TULP4: variants seen among roughly 807,000 people sequenced by gnomAD.
The protein encoded by TULP4 is TUB like protein 4.
In TULP4, 16 loss-of-function variants were observed where a neutral mutation model predicts 129.0. That is an observed-to-expected ratio of 0.12 (90% CI 0.08 to 0.19). The LOEUF (loss-of-function observed/expected upper bound fraction) is 0.19, where lower values mean the gene tolerates loss of function less well. Ranked by LOEUF, TULP4 falls within the 10% of genes least tolerant of loss-of-function variation. The probability of loss-of-function intolerance (pLI) is 1.00; values close to 1 mark genes in which losing one functional copy is unlikely to be tolerated. For synonymous variants in TULP4, 998 were observed against 854.0 expected (o/e 1.17, Z -2.94); for missense variants, 1,842 against 2,059.1 (o/e 0.89, Z 2.04).
In TULP4 at chr6:158,238,485, G is replaced by C. The variant is rs544400747; in HGVS notation, n.68+6182G>C. The C allele has an allele frequency of 8.1e-4, 298 of 369,538 alleles. 2 individuals are homozygous for C. The highest frequency in any genetic ancestry group is 8.0e-4 in the Non-Finnish European group (171 of 213,550). 22.9% of individuals were successfully genotyped at this position (369,538 alleles called of 1,614,324 possible). A position where few individuals can be genotyped will look rare whatever the true frequency, so the allele number is the denominator to read the frequency against. On this transcript the variant is annotated intron_variant and non_coding_transcript_variant, in intron 1 of 1. Coordinates refer to the TULP4 transcript ENST00000620026. ...GGGTGTTTCTCACAGAGGGGGATTT[G>C]GCAGGGTCATGGGACAATAGTGGAG...
rs143434971 is a variant in TULP4, at chr6:158,480,946, G to C, written c.1252-109G>C. 7.1e-4 allele frequency: 688 copies of C among 973,736 alleles called. 4 individuals carry two copies. The African/African-American group carries it at 0.01, about 15-fold the overall frequency. 60.3% of individuals were successfully genotyped at this position (973,736 alleles called of 1,614,324 possible). ...TCCCCAGGCCCCCAGCCTGTGCTCT[G>C]TCTGGAACAGTAGCGTTTTTAGTTG... On this transcript the variant is annotated intron_variant, in intron 7 of 13. Transcript: ENST00000367097.
chr6:158,280,601 G>C (rs577412090), upstream of TULP4, among the ~76,000 whole-genome samples: 2 of 152,384 alleles, frequency 1.3e-5, no homozygotes, highest in South Asian at 4.1e-4. Flanking sequence ...CTGTGCAGCT[G>C]TCTAACTGTT....
intron 1 of TULP4, among the ~76,000 whole-genome samples, chr6:158,240,547 G>A (rs1186576121): frequency 5.0e-5 from 4 of 80,760 alleles, no homozygotes; most frequent in South Asian, 4.3e-4. Flanking sequence ...CCTCCCGGAC[G>A]GGGGCGGCTG....
Position 158,493,392 on chromosome 6 carries a change from C to A in TULP4, c.1632-181C>A, listed in dbSNP as rs945042466. Among the ~76,000 whole-genome samples the A allele has an allele frequency of 2.6e-5, 4 of 152,240 alleles. No individual in the cohort carries two copies. The highest frequency in any genetic ancestry group is 7.2e-5 in the African/African-American group (3 of 41,462). On this transcript the variant is annotated intron_variant, in intron 9 of 13. Coordinates refer to ENST00000367097, the MANE Select transcript of TULP4 (RefSeq NM_020245.5). This position sits in a 1 kb window ranked among gnomAD's most constrained non-coding sequence, Gnocchi z 4.4. The stretch of plus-strand genomic sequence containing the variant: ...TATTATTCAATGTAAAGTTGTCATT[C>A]TTTCCTCATATTCATAAAGCAAAAG...
chr6:158,290,763 A>C (rs1031995919), intron 1 of TULP4, among the ~76,000 whole-genome samples: 1 of 115,188 alleles, frequency 8.7e-6, no homozygotes, highest in East Asian at 2.8e-4. Context: ...GGCTCTGGTC[A>C]TCCTTGTTTG....
At chr6:158,327,756 G>A (rs979129141) in intron 1 of TULP4, among the ~76,000 whole-genome samples, 7 of 151,784 alleles carry the variant, frequency 4.6e-5, no homozygotes, top group African/African-American at 1.7e-4. Context: ...GGGTGGTTCT[G>A]TGTGAATCTC....
chr6:158,302,325 A>G (rs1453078734), intron 1 of TULP4, among the ~76,000 whole-genome samples: 1 of 152,358 alleles, frequency 6.6e-6, no homozygotes, highest in East Asian at 1.9e-4. Flanking sequence ...AGCAATATGA[A>G]AGAAATAGTC....
chr6:158,384,994 G>A (rs1032213734), intron 1 of TULP4, among the ~76,000 whole-genome samples: 6 of 152,194 alleles, frequency 3.9e-5, no homozygotes, highest in African/African-American at 1.4e-4. Flanking sequence ...CAATCCCAAA[G>A]TCGGGCTTTT....
chr6:158,298,208 T>A (rs1473234038), intron 1 of TULP4, among the ~76,000 whole-genome samples: 1 of 152,186 alleles, frequency 6.6e-6, no homozygotes, highest in East Asian at 1.9e-4. Context: ...CAAGGTGCAC[T>A]GATTTCATAT....
rs897486172 is a variant in TULP4 at position 158,509,832 on chromosome 6, C to T, written c.*3138C>T. Reference sequence around the variant, plus strand: ...GGGCTGTGCGGTCCTAGTAGTGTGACGTTTCAGTTAATAGTGGTGGTCTTA... The same window carrying T: ...GGGCTGTGCGGTCCTAGTAGTGTGATGTTTCAGTTAATAGTGGTGGTCTTA... On this transcript the variant is annotated 3_prime_UTR_variant, in exon 14 of 14. Transcript: ENST00000367097. 6.6e-6 allele frequency: 1 copy of T among 151,888 alleles called. No homozygotes were observed. The highest frequency in any genetic ancestry group is 2.1e-4 in the South Asian group (1 of 4,804). The allele number at this position is 151,888 out of a possible 1,614,324, so 9.4% of individuals were successfully genotyped here. A position where few individuals can be genotyped will look rare whatever the true frequency, so the allele number is the denominator to read the frequency against.
At chr6:158,343,308 T>G (rs1780226498) in intron 1 of TULP4, among the ~76,000 whole-genome samples, 1 of 152,186 alleles carries the variant, frequency 6.6e-6, no homozygotes, top group Admixed American at 6.5e-5. Flanking sequence ...CAAACTTGGT[T>G]AGTTAACTCA....
chr6:158,300,176 C>T (rs1312457125), intron 1 of TULP4, among the ~76,000 whole-genome samples: 1 of 152,178 alleles, frequency 6.6e-6, no homozygotes. Flanking sequence ...AAGTTTAAGT[C>T]TCCTAGTGGG....
At chr6:158,491,699 GCCAGGATGGTC>G (rs1219893760) in intron 9 of TULP4, among the ~76,000 whole-genome samples, 1 of 151,762 alleles carries the variant, frequency 6.6e-6, no homozygotes, top group Admixed American at 6.6e-5. Flanking sequence ...CACCATGTTA[GCCAGGATGGTC>G]TCAATCTCCT....
intron 1 of TULP4, among the ~76,000 whole-genome samples, chr6:158,343,087 T>C (rs1780219893): frequency 6.6e-6 from 1 of 151,720 alleles, no homozygotes; most frequent in Admixed American, 6.6e-5. Flanking sequence ...TGTGATGGCG[T>C]GTTCAGGGGC....
At chr6:158,306,591 C>T (rs1779219946) in intron 1 of TULP4, among the ~76,000 whole-genome samples, 1 of 152,192 alleles carries the variant, frequency 6.6e-6, no homozygotes, top group Non-Finnish European at 1.5e-5. Flanking sequence ...GATAGATTTA[C>T]ATTTTAGAGA....
At chr6:158,415,835 A>C (rs1778197292) in intron 2 of TULP4, among the ~76,000 whole-genome samples, 1 of 152,066 alleles carries the variant, frequency 6.6e-6, no homozygotes, top group Admixed American at 6.5e-5. Context: ...GTATATATGA[A>C]AGGGAGTTTT....
At chr6:158,481,358 C>T (rs1181458547) in intron 8 of TULP4, 69 bp downstream of exon 8, 2 of 1,399,822 alleles carry the variant, frequency 1.4e-6, no homozygotes, top group East Asian at 2.5e-5. Flanking sequence ...GCCTTACACC[C>T]CATGCAAAGA....
intron 1 of TULP4, among the ~76,000 whole-genome samples, chr6:158,249,201 A>G (rs1244317529): frequency 1.3e-5 from 2 of 151,982 alleles, no homozygotes; most frequent in Non-Finnish European, 2.9e-5. Context: ...TTGAGCCTTT[A>G]CCATTTTTAT....
At chr6:158,248,439 T>G (rs914244526) in intron 1 of TULP4, among the ~76,000 whole-genome samples, 2 of 131,916 alleles carry the variant, frequency 1.5e-5, no homozygotes, top group Non-Finnish European at 3.5e-5. Flanking sequence ...CCGGCTAATT[T>G]TTTTGTATTT....
Sources: allele counts gnomAD v4.1 joint callset (sites outside exome capture counted in the v4.1 genomes callset), GRCh38; gene constraint gnomAD v4.1.1; non-coding constraint Gnocchi (gnomAD v3.1); transcripts MANE v1.5; gene names NCBI Gene and HGNC (gene_info 2026-07-23, HGNC 2026-07-21).